Variants in GLIS3 observed in about 807,000 individuals in gnomAD.
GLIS3 encodes the protein GLIS family zinc finger 3, also known as zinc finger protein GLIS3.
Under a neutral mutation model 78.6 loss-of-function variants are expected in GLIS3, and 53 were observed. The ratio of observed to expected loss-of-function variants is 0.67; its 90% CI spans 0.54 to 0.85. GLIS3 has a LOEUF of 0.85. Ranked by LOEUF, GLIS3 falls within the 40% of genes least tolerant of loss-of-function variation. The probability of loss-of-function intolerance (pLI) is 0.00; values close to 1 mark genes in which losing one functional copy is unlikely to be tolerated. For missense variants in GLIS3, 1,703 were observed against 1,231.1 expected, an observed-to-expected ratio of 1.38 and a Z score of -5.74; for synonymous variants, 684 against 509.9, an observed-to-expected ratio of 1.34 and a Z score of -4.60.
chr9:4,445,999 T>C, the GLIS3 span, among the ~76,000 whole-genome samples: 3 of 152,186 alleles, frequency 2.0e-5, no homozygotes, highest in Non-Finnish European at 4.4e-5. Context: ...AAATTTTAGA[T>C]TTTTTTAATA....
At chr9:4,173,326 G>A (rs1816530775) in intron 2 of GLIS3, among the ~76,000 whole-genome samples, 2 of 152,072 alleles carry the variant, frequency 1.3e-5, no homozygotes, top group African/African-American at 2.4e-5. Context: ...GCTTCAGGTG[G>A]CAAATATGTT....
At chr9:4,318,043 T>C (rs535260901) in intron 2 of GLIS3, among the ~76,000 whole-genome samples, 13 of 152,304 alleles carry the variant, frequency 8.5e-5, no homozygotes, top group Middle Eastern at 3.4e-3. Context: ...AGAAAAATTA[T>C]AGAAACTGAG....
intron 4 of GLIS3, among the ~76,000 whole-genome samples, chr9:3,991,888 C>T (rs1382568407): frequency 1.3e-5 from 2 of 151,892 alleles, no homozygotes; most frequent in Non-Finnish European, 2.9e-5. Flanking sequence ...GACGGGGTTT[C>T]ACCGTATTGG....
chr9:4,404,915 G>C, the GLIS3 span, among the ~76,000 whole-genome samples: 3 of 151,840 alleles, frequency 2.0e-5, no homozygotes, highest in African/African-American at 4.8e-5. Context: ...CAATACAAAA[G>C]ACCAACAAAA....
intron 4 of GLIS3, among the ~76,000 whole-genome samples, chr9:3,951,514 G>A (rs1816675941): frequency 6.6e-6 from 1 of 151,888 alleles, no homozygotes; most frequent in Non-Finnish European, 1.5e-5. Context: ...CTGGACTACA[G>A]AAAAACATGA....
rs200201018 is a variant in GLIS3, at chr9:4,188,968, C to T, written c.389-63027G>A. ...ACCAGCTCCTGGATTCATTAATTTTCTGAAGGGTTTTTTGTATCTCTATTT... is the reference window on the plus strand; with the variant it reads ...ACCAGCTCCTGGATTCATTAATTTTTTGAAGGGTTTTTTGTATCTCTATTT... On this transcript the variant is annotated intron_variant, in intron 2 of 10. Coordinates refer to ENST00000381971, the MANE Select transcript of GLIS3 (RefSeq NM_001042413.2). Among the ~76,000 whole-genome samples the T allele has an allele frequency of 2.0e-5, 3 of 151,996 alleles. 1 individual carries two copies. The highest frequency in any genetic ancestry group is 4.2e-4 in the South Asian group (2 of 4,816).
At chr9:3,904,509 G>A (rs1823526605) in intron 6 of GLIS3, among the ~76,000 whole-genome samples, 1 of 152,046 alleles carries the variant, frequency 6.6e-6, no homozygotes, top group Non-Finnish European at 1.5e-5. Flanking sequence ...TTATCTTGGT[G>A]AGTCTCTTTT....
intron 9 of GLIS3, among the ~76,000 whole-genome samples, chr9:3,829,788 C>A (rs1817942491): frequency 6.6e-6 from 1 of 152,164 alleles, no homozygotes; most frequent in Non-Finnish European, 1.5e-5. Flanking sequence ...CCTGGACATT[C>A]AAGGCCTGAC....
Position 3,825,958 on chromosome 9 carries a change from C to G in GLIS3, c.*2314G>C, listed in dbSNP as rs957871454. 3 of 152,166 alleles carry G rather than the reference C, an allele frequency of 2.0e-5. No individual in the cohort carries two copies. Among genetic ancestry groups the G allele is most frequent in the Non-Finnish European group, 4.4e-5 (3 of 68,042 alleles). 9.4% of individuals were successfully genotyped at this position (152,166 alleles called of 1,614,324 possible). ...CGCCCTCTTTAGAGTCCCTCTTGCCCCTGTGAGGTAAGAAAGGGGCAGGGT... is the reference window on the plus strand; with the variant it reads ...CGCCCTCTTTAGAGTCCCTCTTGCCGCTGTGAGGTAAGAAAGGGGCAGGGT... On this transcript the variant is annotated 3_prime_UTR_variant, in exon 11 of 11. Coordinates refer to ENST00000381971, the MANE Select transcript of GLIS3 (RefSeq NM_001042413.2).
At chr9:3,905,310 C>T (rs746043798) in intron 6 of GLIS3, among the ~76,000 whole-genome samples, 13 of 151,840 alleles carry the variant, frequency 8.6e-5, no homozygotes, top group South Asian at 2.1e-4. Flanking sequence ...ATATTCTAGC[C>T]GGAAGCCTGT....
At position 4,244,085 on chromosome 9, in the gene GLIS3, C is replaced by G. The variant is rs1823578211; in HGVS notation, c.388+41953G>C. 2.0e-5 allele frequency among the ~76,000 whole-genome samples: 3 copies of G among 152,208 alleles called. No homozygotes were observed. In the South Asian group the frequency reaches 6.2e-4, roughly 32 times the overall value. On this transcript the variant is annotated intron_variant, in intron 2 of 10. Coordinates refer to ENST00000381971, the MANE Select transcript of GLIS3 (RefSeq NM_001042413.2). ...TCCTTTCTGAATTCCACTCATCTTTCCAGCCCTAACTAACATTCCAAGCCT... is the reference window on the plus strand; with the variant it reads ...TCCTTTCTGAATTCCACTCATCTTTGCAGCCCTAACTAACATTCCAAGCCT...
Position 4,286,340 on chromosome 9 carries a change from G to A in GLIS3, c.86C>T (p.Pro29Leu). The part of the protein sequence containing the change: ...GPRMVSGHHI[P>L]AIRAHSGTPG... The stretch of plus-strand genomic sequence containing the variant: ...AGTCCCGGAGTGGGCTCGGATGGCA[G>A]GAATGTGATGACCACTGACCATCCT... The change falls in exon 2 of 11, where the codon CCT (proline) becomes CTT (leucine). Residue 29 changes from proline to leucine, a missense_variant. Transcript: ENST00000381971. The A allele has an allele frequency of 6.2e-7, 1 of 1,614,224 alleles. No individual in the cohort carries two copies. Among genetic ancestry groups the A allele is most frequent in the Non-Finnish European group, 8.5e-7 (1 of 1,180,032 alleles).
chr9:4,179,210 G>A (rs1471231538), intron 2 of GLIS3, among the ~76,000 whole-genome samples: 1 of 152,188 alleles, frequency 6.6e-6, no homozygotes, highest in Non-Finnish European at 1.5e-5. Context: ...CCAAACATGA[G>A]AAACTTATTA....
intron 2 of GLIS3, among the ~76,000 whole-genome samples, chr9:4,139,705 T>C (rs1183900132): frequency 6.6e-6 from 1 of 152,180 alleles, no homozygotes; most frequent in Non-Finnish European, 1.5e-5. Flanking sequence ...GATGAAACTG[T>C]TCCACCTCAG....
intron 2 of GLIS3, among the ~76,000 whole-genome samples, chr9:4,194,173 T>G (rs765933593): frequency 2.4e-4 from 36 of 152,146 alleles, no homozygotes; most frequent in Non-Finnish European, 4.6e-4. Flanking sequence ...CTCTCCTGCC[T>G]CAGCCTCCTG....
intron 3 of GLIS3, among the ~76,000 whole-genome samples, chr9:4,121,377 C>A (rs1183082825): frequency 6.6e-6 from 1 of 152,122 alleles, no homozygotes; most frequent in Non-Finnish European, 1.5e-5. Context: ...CAGAAGGGAT[C>A]ATTTTTATCT....
chr9:4,298,496 T>G (rs1816801327), intron 1 of GLIS3: 1 of 441,246 alleles, frequency 2.3e-6, no homozygotes, highest in Non-Finnish European at 4.6e-6. Flanking sequence ...AACTTGGAAC[T>G]GTCGCTCGGG....
At chr9:4,239,924 C>T (rs1031850664) in intron 2 of GLIS3, among the ~76,000 whole-genome samples, 2 of 152,068 alleles carry the variant, frequency 1.3e-5, no homozygotes, top group Non-Finnish European at 2.9e-5. Flanking sequence ...AGGATAACAG[C>T]CCCATCTCAA....
chr9:3,953,896 G>A (rs910006569), intron 4 of GLIS3, among the ~76,000 whole-genome samples: 1 of 150,636 alleles, frequency 6.6e-6, no homozygotes, highest in Admixed American at 6.6e-5. Flanking sequence ...TGCTGAAAAA[G>A]TAAACATGTG....
Sources: allele counts gnomAD v4.1 joint callset (sites outside exome capture counted in the v4.1 genomes callset), GRCh38; gene constraint gnomAD v4.1.1; transcripts MANE v1.5; gene names NCBI Gene and HGNC (gene_info 2026-07-23, HGNC 2026-07-21).